The following HELB variants were observed in gnomAD, a reference collection of about 807,000 sequenced individuals.
The protein encoded by HELB is DNA 5'-3' helicase B.
A neutral mutation model predicts 101.7 loss-of-function variants in HELB; 96 were observed. The ratio of observed to expected loss-of-function variants is 0.94; its 90% CI spans 0.80 to 1.12. The LOEUF is 1.12. HELB is among the 50% of genes most tolerant of loss of function. HELB has a pLI of 0.00. For missense variants in HELB, 1,210 were observed against 1,291.9 expected (o/e 0.94, Z 0.97); for synonymous variants, 437 against 459.7 (o/e 0.95, Z 0.63).
At chr12:66,339,898 A>T (rs1430104244), downstream of HELB, 1 of 152,218 alleles carries the variant, frequency 6.6e-6, no homozygotes, top group Non-Finnish European at 1.5e-5. Flanking sequence ...TTTGACTAGC[A>T]TAATGTTTTC....
Position 66,310,248 on chromosome 12 carries a change from A to C in HELB, c.1320A>C (p.Ile440=). The change falls in exon 4 of 13, where the codon ATA becomes ATC. Residue 440 remains isoleucine (I), a synonymous_variant. Transcript: ENST00000247815. ...GTGAAAATGAAATTAATGCAGAAAT[A>C]AGTGAAGTTCAGCTGGATCAGGATC... ...TNGENEINAE[I]SEVQLDQDQV... is the part of the protein sequence containing the mutation. The C allele has an allele frequency of 6.2e-7, 1 of 1,614,124 alleles. No individual in the cohort carries two copies. The highest frequency in any genetic ancestry group is 1.3e-5 in the African/African-American group (1 of 75,070).
chr12:66,316,567 AAATAATAAT>A (rs59495617), intron 6 of HELB, among the ~76,000 whole-genome samples: 38 of 145,072 alleles, frequency 2.6e-4, no homozygotes, highest in Admixed American at 1.3e-3. Context: ...TGATAAGCTA[AAATAATAAT>A]AATAATAATA....
intron 3 of HELB, among the ~76,000 whole-genome samples, chr12:66,308,762 T>G (rs573106548): frequency 6.6e-6 from 1 of 152,298 alleles, no homozygotes; most frequent in South Asian, 2.1e-4. Context: ...CTCGAGGACC[T>G]CATCAATGAG....
intron 1 of HELB, 107 bp downstream of exon 1, chr12:66,302,897 T>C: frequency 1.1e-6 from 1 of 940,572 alleles, no homozygotes; most frequent in Non-Finnish European, 1.5e-6. Context: ...CAGATTTAGC[T>C]TATCAGTGGT....
chr12:66,304,275 G>A (rs2053445215), intron 1 of HELB, among the ~76,000 whole-genome samples: 1 of 142,246 alleles, frequency 7.0e-6, no homozygotes, highest in African/African-American at 2.5e-5. Context: ...TGAGATTCAG[G>A]GAAGACTTTT....
At chr12:66,330,031 T>G (rs2053787448) in intron 11 of HELB, among the ~76,000 whole-genome samples, 1 of 152,104 alleles carries the variant, frequency 6.6e-6, no homozygotes, top group Admixed American at 6.5e-5. Context: ...TGAGCAAGAG[T>G]TTATTTGCAG....
chr12:66,322,656 T>G (rs2053684479), intron 8 of HELB, 68 bp from the exon 9 acceptor site: 2 of 920,472 alleles, frequency 2.2e-6, no homozygotes, highest in Non-Finnish European at 3.4e-6. Context: ...ATGTCATAAT[T>G]GCTGATAACA....
intron 12 of HELB, among the ~76,000 whole-genome samples, chr12:66,333,862 T>TG (rs1179223158): frequency 1.3e-5 from 2 of 151,580 alleles, no homozygotes; most frequent in African/African-American, 2.4e-5. Context: ...TATCATCTGA[T>TG]GCCTGCTTAA....
At chr12:66,318,561 G>T in intron 6 of HELB, 77 bp from the exon 7 acceptor site, 1 of 1,278,464 alleles carries the variant, frequency 7.8e-7, no homozygotes, top group Non-Finnish European at 1.1e-6. Context: ...TTATTATAAG[G>T]ACATTAGCTC....
chr12:66,310,606 C>A lies in HELB; in HGVS notation c.1678C>A (p.Gln560Lys), dbSNP rs1255618366. 1 of 1,602,698 alleles carries A rather than the reference C, an allele frequency of 6.2e-7. No homozygotes were observed. Among genetic ancestry groups the A allele is most frequent in the Admixed American group, 1.8e-5 (1 of 56,774 alleles). Reference protein sequence around the residue: ...KTGLHAYTLCQVNYSFYSWTQ... With the variant: ...KTGLHAYTLCKVNYSFYSWTQ... ...TGGTCTTCATGCCTACACACTGTGT[C>A]AGGTAAAACCTTTGACATTTCATCT... Residue 560 changes from glutamine to lysine, a missense_variant and splice_region_variant, in exon 4 of 13, where the codon CAG becomes AAG. Gln to Lys is a moderately conservative substitution (Grantham distance 53). Transcript: ENST00000247815.
rs1555167520 is a variant in HELB, at chr12:66,327,066, A to AATATATATATAT, written c.2670+1945_2670+1956dup. Among the ~76,000 whole-genome samples, 188 of 46,802 alleles carry AATATATATATAT rather than the reference A, an allele frequency of 4.0e-3. 6 individuals carry two copies. The highest frequency in any genetic ancestry group is 0.02 in the African/African-American group (155 of 7,624). The allele number at this position is 46,802 out of a possible 152,430, so 30.7% of individuals were successfully genotyped here. A position where few individuals can be genotyped will look rare whatever the true frequency, so the allele number is the denominator to read the frequency against. ...AAAAAAAAAAAAAAAAAAAAAAAAA[A>AATATATATATAT]ATATATATATATATATGTTTATATA... On this transcript the variant is annotated intron_variant, in intron 11 of 12. Coordinates refer to ENST00000247815, the MANE Select transcript of HELB (RefSeq NM_001370285.1).
At chr12:66,327,940 T>C (rs1345898743) in intron 11 of HELB, among the ~76,000 whole-genome samples, 1 of 152,082 alleles carries the variant, frequency 6.6e-6, no homozygotes, top group African/African-American at 2.4e-5. Flanking sequence ...TATCCAAAGA[T>C]TTGAAGAAGG....
intron 5 of HELB, among the ~76,000 whole-genome samples, chr12:66,314,597 T>C (rs2053580520): frequency 2.0e-5 from 3 of 152,130 alleles, no homozygotes; most frequent in Admixed American, 1.3e-4. Flanking sequence ...TTAGATTCTC[T>C]TGGGTAGTCA....
intron 12 of HELB, among the ~76,000 whole-genome samples, chr12:66,332,038 G>A (rs544278387): frequency 6.6e-6 from 1 of 152,310 alleles, no homozygotes; most frequent in Non-Finnish European, 1.5e-5. Flanking sequence ...TGTCATGGTG[G>A]AGACAGTCGG....
In HELB at chr12:66,306,451, A is replaced by G; in HGVS notation, c.714A>G (p.Lys238=). 1 of 1,608,798 alleles carries G rather than the reference A, an allele frequency of 6.2e-7. No homozygotes were observed. ...HFKWIIGSGS[K]EMLKEIEEIL... The stretch of plus-strand genomic sequence containing the variant: ...AATGGATCATAGGGTCAGGTTCTAA[A>G]GAGATGTTGAAAGAGATAGAAGAGA... The change falls in exon 3 of 13, where the codon AAA becomes AAG. Residue 238 remains lysine, a synonymous_variant. Coordinates refer to ENST00000247815, the MANE Select transcript of HELB (RefSeq NM_001370285.1).
At chr12:66,327,035 C>CAAA (rs756031862) in intron 11 of HELB, among the ~76,000 whole-genome samples, 73 of 41,712 alleles carry the variant, frequency 1.8e-3, no homozygotes, top group East Asian at 3.0e-3. Flanking sequence ...GACTTCATCT[C>CAAA]AAAAAAAAAA....
chr12:66,331,251 T>C lies in HELB; in HGVS notation c.2768T>C (p.Val923Ala). 6 of 1,614,132 alleles carry C rather than the reference T, an allele frequency of 3.7e-6. No homozygotes were observed. The highest frequency in any genetic ancestry group is 5.1e-6 in the Non-Finnish European group (6 of 1,180,012). The stretch of plus-strand genomic sequence containing the variant: ...GCCGTGACCAGGGGCCGCTGCCGAG[T>C]GTATGTGATTGCAGAGGAGTCTCAG... ...YTAVTRGRCR[V>A]YVIAEESQLR... The change falls in exon 12 of 13, where the codon GTG (valine) becomes GCG (alanine). Residue 923 changes from valine (V) to alanine (A), a missense_variant. Around this residue, in one of 2 missense-constraint regions of HELB, gnomAD observed 740 missense variants for 728.8 expected, o/e 1.02. Transcript: ENST00000247815.
At chr12:66,310,652 C>T (rs753405877) in intron 4 of HELB, 44 bp downstream of exon 4, 1 of 1,552,518 alleles carries the variant, frequency 6.4e-7, no homozygotes. Flanking sequence ...CATTTGTCGG[C>T]CGGGCACAGT....
At chr12:66,332,366 G>T (rs901323371) in intron 12 of HELB, among the ~76,000 whole-genome samples, 1 of 152,122 alleles carries the variant, frequency 6.6e-6, no homozygotes, top group African/African-American at 2.4e-5. Context: ...TGCTTTCCAA[G>T]GTTTCAGTTA....
Sources: allele counts gnomAD v4.1 joint callset (sites outside exome capture counted in the v4.1 genomes callset), GRCh38; gene constraint gnomAD v4.1.1; regional missense constraint gnomAD v4.1.1; transcripts MANE v1.5; gene names NCBI Gene and HGNC (gene_info 2026-07-23, HGNC 2026-07-21).